The following DDX19B variants were observed in gnomAD, a reference collection of about 807,000 sequenced individuals.
The protein encoded by DDX19B is DEAD-box helicase 19B.
DDX19B carries 27 observed loss-of-function variants against 58.1 expected under a neutral mutation model. The ratio of observed to expected loss-of-function variants is 0.46; its 90% CI spans 0.34 to 0.64. The LOEUF (loss-of-function observed/expected upper bound fraction) is 0.64. Among genes scored for constraint, DDX19B ranks in the 30% least tolerant of loss-of-function variants. DDX19B has a pLI of 0.01. For missense variants in DDX19B, 399 were observed against 596.5 expected (o/e 0.67, Z 3.45); for synonymous variants, 187 against 214.4 (o/e 0.87, Z 1.12).
chr16:70,310,208 C>T (rs1024493796), intron 1 of DDX19B, among the ~76,000 whole-genome samples: 14 of 152,092 alleles, frequency 9.2e-5, no homozygotes, highest in Non-Finnish European at 1.6e-4. Flanking sequence ...TGGTGAAACC[C>T]TGTCTCTATT....
intron 1 of DDX19B, among the ~76,000 whole-genome samples, chr16:70,312,268 A>C (rs189883450): frequency 2.0e-5 from 3 of 152,170 alleles, no homozygotes; most frequent in Non-Finnish European, 4.4e-5. Context: ...CCCCCCACAC[A>C]CAAAAGAAAT....
In DDX19B at chr16:70,324,707, G is replaced by C. The variant is rs551907117; in HGVS notation, c.492+20G>C. ...CCCCAGGTAAGGATTTATGAATTTA[G>C]GTTTTCTACTAATGCATAGATAGAA... is the stretch of plus-strand genomic sequence containing the variant. On this transcript the variant is annotated intron_variant, in intron 6 of 11. Transcript: ENST00000288071. 7.5e-6 allele frequency: 12 copies of C among 1,599,252 alleles called. No homozygotes were observed. The South Asian group carries it at 1.3e-4, about 18-fold the overall frequency.
upstream of DDX19B, among the ~76,000 whole-genome samples, chr16:70,290,888 G>A (rs1961043201): frequency 6.6e-6 from 1 of 152,126 alleles, no homozygotes; most frequent in African/African-American, 2.4e-5. Flanking sequence ...TAACTCCAAA[G>A]CCCATGCTCT....
In DDX19B at chr16:70,316,265, A is replaced by G. The variant is rs562077908; in HGVS notation, c.296+161A>G. On this transcript the variant is annotated intron_variant, in intron 4 of 11. Transcript: ENST00000288071. Reference sequence around the variant, plus strand: ...CACTCTGTTGCCCAGGCTGGAGTGCAGTAGCGCGATCTCGGCTCACTGCAA... The same window carrying G: ...CACTCTGTTGCCCAGGCTGGAGTGCGGTAGCGCGATCTCGGCTCACTGCAA... The G allele has an allele frequency of 3.4e-4, 348 of 1,011,024 alleles. 4 individuals are homozygous for G. The East Asian group carries it at 5.1e-3, about 15-fold the overall frequency. 62.6% of individuals were successfully genotyped at this position (1,011,024 alleles called of 1,614,324 possible). A position where few individuals can be genotyped will look rare whatever the true frequency, so the allele number is the denominator to read the frequency against.
chr16:70,326,113 C>A (rs528499175), intron 7 of DDX19B, among the ~76,000 whole-genome samples: 1 of 152,314 alleles, frequency 6.6e-6, no homozygotes, highest in South Asian at 2.1e-4. Context: ...TAGAATTGTA[C>A]CCCTACCTTT....
At chr16:70,301,399 G>A (rs1231712099) in intron 1 of DDX19B, among the ~76,000 whole-genome samples, 1 of 152,048 alleles carries the variant, frequency 6.6e-6, no homozygotes, top group Non-Finnish European at 1.5e-5. Context: ...TGTATTTGTT[G>A]TTGAAATGTT....
intron 1 of DDX19B, among the ~76,000 whole-genome samples, chr16:70,302,287 T>C (rs900135185): frequency 6.6e-6 from 1 of 152,200 alleles, no homozygotes; most frequent in Non-Finnish European, 1.5e-5. Flanking sequence ...AATTAAACTT[T>C]GTTAGTGTAC....
At chr16:70,316,946 C>T (rs568356134) in intron 4 of DDX19B, among the ~76,000 whole-genome samples, 177 of 152,178 alleles carry the variant, frequency 1.2e-3, no homozygotes, top group Non-Finnish European at 2.0e-3. Context: ...GTGGCTCACG[C>T]CTGTAATCCC....
intron 6 of DDX19B, among the ~76,000 whole-genome samples, chr16:70,325,130 G>A (rs539130929): frequency 1.3e-5 from 2 of 152,242 alleles, no homozygotes; most frequent in South Asian, 2.1e-4. Flanking sequence ...CAAATAATAC[G>A]GGATATCTTC....
chr16:70,305,595 G>C (rs1261993584), intron 1 of DDX19B, among the ~76,000 whole-genome samples: 1 of 152,012 alleles, frequency 6.6e-6, no homozygotes, highest in Non-Finnish European at 1.5e-5. Context: ...ATGAAATAAT[G>C]CTTTCCTGTG....
chr16:70,321,587 C>T (rs1567633479), intron 5 of DDX19B, among the ~76,000 whole-genome samples: 1 of 152,128 alleles, frequency 6.6e-6, no homozygotes, highest in South Asian at 2.1e-4. Context: ...AATTCCTGCC[C>T]ACAAGGAGCT....
chr16:70,317,938 C>T (rs111886653), intron 5 of DDX19B: 2 of 154,840 alleles, frequency 1.3e-5, no homozygotes, highest in African/African-American at 4.8e-5. Context: ...AAGAAAGACC[C>T]TGTCTCGAAA....
In DDX19B at chr16:70,329,817, G is replaced by A; in HGVS notation, c.786-14G>A. On this transcript the variant is annotated splice_polypyrimidine_tract_variant and intron_variant, in intron 8 of 11. Coordinates refer to ENST00000288071, the MANE Select transcript of DDX19B (RefSeq NM_007242.7). ...GGGCCACCTGGGGCCACCTACCAGGGCCTTCCCTTGCAGGATGCTGCCCAG... is the reference window on the plus strand; with the variant it reads ...GGGCCACCTGGGGCCACCTACCAGGACCTTCCCTTGCAGGATGCTGCCCAG... 2.5e-6 allele frequency: 4 copies of A among 1,614,090 alleles called. No individual in the cohort carries two copies. The highest frequency in any genetic ancestry group is 3.4e-6 in the Non-Finnish European group (4 of 1,179,994).
At chr16:70,324,921 T>C (rs1454510365) in intron 6 of DDX19B, among the ~76,000 whole-genome samples, 1 of 152,096 alleles carries the variant, frequency 6.6e-6, no homozygotes, top group Non-Finnish European at 1.5e-5. Context: ...CCTGGTGGCA[T>C]GTGCCTGTAA....
intron 4 of DDX19B, 115 bp downstream of exon 4, chr16:70,316,219 T>C: frequency 6.8e-7 from 1 of 1,462,182 alleles, no homozygotes. Context: ...AAGTTTTTTT[T>C]TTTTTTTCGA....
Position 70,334,818 on chromosome 16 carries a change from G to A in DDX19B, c.*1236G>A, listed in dbSNP as rs1963640693. On this transcript the variant is annotated 3_prime_UTR_variant, in exon 12 of 12. Coordinates refer to ENST00000288071, the MANE Select transcript of DDX19B (RefSeq NM_007242.7). The stretch of plus-strand genomic sequence containing the variant: ...CTTCTCACACCTGGCCAAGGCTGTT[G>A]GTACCCACGAAATGACAGCAAAGAT... 6.6e-6 allele frequency: 1 copy of A among 152,156 alleles called. No homozygotes were observed. The highest frequency in any genetic ancestry group is 1.5e-5 in the Non-Finnish European group (1 of 68,048). The allele number at this position is 152,156 out of a possible 1,614,324, so 9.4% of individuals were successfully genotyped here.
At chr16:70,298,255 A>G (rs1005484929), upstream of DDX19B, among the ~76,000 whole-genome samples, 1 of 151,966 alleles carries the variant, frequency 6.6e-6, no homozygotes, top group Non-Finnish European at 1.5e-5. Flanking sequence ...AAAATAGAAA[A>G]ACTAGCTGGG....
chr16:70,294,360 C>T (rs1319921006), upstream of DDX19B, among the ~76,000 whole-genome samples: 2 of 152,238 alleles, frequency 1.3e-5, no homozygotes, highest in South Asian at 2.1e-4. Flanking sequence ...GGATTACAGG[C>T]GTGAGCCACC....
At chr16:70,299,142 C>G (rs1961340552), upstream of DDX19B, 1 of 1,363,378 alleles carries the variant, frequency 7.3e-7, no homozygotes, top group African/African-American at 1.5e-5. Context: ...GGTGGCCAAA[C>G]AGGAGTGGCC....
Sources: allele counts gnomAD v4.1 joint callset (sites outside exome capture counted in the v4.1 genomes callset), GRCh38; gene constraint gnomAD v4.1.1; transcripts MANE v1.5; gene names NCBI Gene and HGNC (gene_info 2026-07-23, HGNC 2026-07-21).